Variants in ST3GAL1 observed in about 807,000 individuals in gnomAD.
ST3GAL1 encodes the protein ST3 beta-galactoside alpha-2,3-sialyltransferase 1.
Under a neutral mutation model 34.1 loss-of-function variants are expected in ST3GAL1, and 16 were observed. That is an observed-to-expected ratio of 0.47 (90% CI 0.32 to 0.71). The LOEUF (loss-of-function observed/expected upper bound fraction) is 0.71. ST3GAL1 is among the 30% of genes least tolerant of loss of function. ST3GAL1 has a pLI of 0.04. For synonymous variants in ST3GAL1, 191 were observed against 184.7 expected, an observed-to-expected ratio of 1.03 and a Z score of -0.28; for missense variants, 353 against 447.4, an observed-to-expected ratio of 0.79 and a Z score of 1.90.
chr8:133,496,822 G>C (rs1025948739), intron 3 of ST3GAL1, among the ~76,000 whole-genome samples: 2 of 152,216 alleles, frequency 1.3e-5, no homozygotes, highest in Non-Finnish European at 1.5e-5. Context: ...GGCACCCAAG[G>C]GGGATGGGGC....
intron 2 of ST3GAL1, among the ~76,000 whole-genome samples, chr8:133,542,494 G>A (rs928911734): frequency 2.6e-5 from 4 of 152,198 alleles, no homozygotes; most frequent in African/African-American, 9.7e-5. Context: ...GAAAGGAAGG[G>A]CTGGGCATGG....
At chr8:133,463,693 T>C (rs1815609211) in intron 7 of ST3GAL1, among the ~76,000 whole-genome samples, 1 of 152,178 alleles carries the variant, frequency 6.6e-6, no homozygotes. Flanking sequence ...TGCTGGGTTT[T>C]GGCCCCATTC....
At chr8:133,464,716 G>A (rs962868590) in intron 7 of ST3GAL1, 62 bp downstream of exon 7, 54 of 1,538,734 alleles carry the variant, frequency 3.5e-5, no homozygotes, top group Middle Eastern at 1.9e-4. Context: ...ACGGCAGGGT[G>A]GGGGGACAGG....
chr8:133,503,865 G>A (rs924997636), intron 2 of ST3GAL1, among the ~76,000 whole-genome samples: 1 of 152,210 alleles, frequency 6.6e-6, no homozygotes, highest in African/African-American at 2.4e-5. Flanking sequence ...ATGAGGTGAT[G>A]CATTAGGGCT....
intron 2 of ST3GAL1, among the ~76,000 whole-genome samples, chr8:133,519,476 T>C (rs1268852826): frequency 1.3e-5 from 2 of 152,134 alleles, no homozygotes; most frequent in African/African-American, 4.8e-5. Context: ...CTTATGTATG[T>C]TAAAGGAAGA....
At chr8:133,534,054 GA>G (rs995345928) in intron 2 of ST3GAL1, among the ~76,000 whole-genome samples, 33 of 152,140 alleles carry the variant, frequency 2.2e-4, no homozygotes, top group Non-Finnish European at 4.3e-4. Context: ...ATTCAATGGG[GA>G]AAAAAACGGG....
chr8:133,476,932 G>C (rs1816203465), intron 3 of ST3GAL1, among the ~76,000 whole-genome samples: 1 of 152,236 alleles, frequency 6.6e-6, no homozygotes, highest in Non-Finnish European at 1.5e-5. Context: ...ATTGTTAAAT[G>C]CATGTTATTT....
intron 2 of ST3GAL1, among the ~76,000 whole-genome samples, chr8:133,532,787 A>G (rs1197190004): frequency 1.3e-5 from 2 of 152,140 alleles, no homozygotes; most frequent in Non-Finnish European, 2.9e-5. Context: ...CAGGATCTAT[A>G]GCATCCTTAG....
At chr8:133,566,170 G>C (rs1819394005) in intron 1 of ST3GAL1, among the ~76,000 whole-genome samples, 1 of 152,164 alleles carries the variant, frequency 6.6e-6, no homozygotes, top group African/African-American at 2.4e-5. Context: ...TGGCTAACTA[G>C]TAATGCTGTG....
chr8:133,459,882 T>C lies in ST3GAL1; in HGVS notation c.905A>G (p.Glu302Gly). 6.2e-7 allele frequency: 1 copy of C among 1,614,130 alleles called. No individual in the cohort carries two copies. The highest frequency in any genetic ancestry group is 8.5e-7 in the Non-Finnish European group (1 of 1,180,010). Residue 302 changes from glutamate (E) to glycine (G), a missense_variant, in exon 10 of 10, where the codon GAG becomes GGG. Coordinates refer to ENST00000522652, the MANE Select transcript of ST3GAL1 (RefSeq NM_173344.3). This position sits in a 1 kb window ranked among gnomAD's most constrained non-coding sequence, Gnocchi z 4.7. ...DSKGNWHHYW[E>G]NNPSAGAFRK... Reference sequence around the variant, plus strand: ...AAAAGCCCCCGCGGATGGGTTGTTCTCCCAGTAGTGGTGCCAGTTCCCTTT... The same window carrying C: ...AAAAGCCCCCGCGGATGGGTTGTTCCCCCAGTAGTGGTGCCAGTTCCCTTT...
At chr8:133,498,316 G>C (rs554981319) in intron 3 of ST3GAL1, among the ~76,000 whole-genome samples, 1 of 152,354 alleles carries the variant, frequency 6.6e-6, no homozygotes, top group South Asian at 2.1e-4. Context: ...CAGCACTCAG[G>C]GAGCAAAGAT....
chr8:133,461,946 G>A lies in ST3GAL1; in HGVS notation c.778C>T (p.Leu260=). The part of the protein sequence containing the change: ...AFIKYVFDNW[L]QGHGRYPSTG... ...GATGGGTATCGCCCGTGCCCTTGCA[G>A]CCAGTTGTCAAAGACATACTTGATG... is the stretch of plus-strand genomic sequence containing the variant. The change falls in exon 9 of 10, where the codon CTG becomes TTG. Residue 260 remains leucine (L), a synonymous_variant. Transcript: ENST00000522652. The surrounding 1 kb of genome is among the most constrained non-coding windows in gnomAD (Gnocchi z 4.7). 6.2e-7 allele frequency: 1 copy of A among 1,614,204 alleles called. No individual in the cohort carries two copies. Among genetic ancestry groups the A allele is most frequent in the East Asian group, 2.2e-5 (1 of 44,878 alleles).
intron 2 of ST3GAL1, among the ~76,000 whole-genome samples, chr8:133,528,403 T>A (rs1818040022): frequency 6.6e-6 from 1 of 152,238 alleles, no homozygotes; most frequent in South Asian, 2.1e-4. Context: ...TCAGGCACTG[T>A]GCTAGGCATT....
intron 5 of ST3GAL1, among the ~76,000 whole-genome samples, chr8:133,470,691 A>G (rs78124326): frequency 0.083 from 12,683 of 152,108 alleles, 577 homozygotes; most frequent in Admixed American, 0.16. Context: ...GAGGGATGAG[A>G]AGCAAGGCAG....
Position 133,465,953 on chromosome 8 carries a change from C to T in ST3GAL1, c.444G>A (p.Ser148=), listed in dbSNP as rs769416956. 7 of 1,614,082 alleles carry T rather than the reference C, an allele frequency of 4.3e-6. No individual in the cohort carries two copies. In the African/African-American group the frequency reaches 5.3e-5, roughly 12 times the overall value. ...CATAAGAAGACTCCCTCAGGTTGCC[C>T]GAGTTGCCCACAACGGCGCAGCGCC... ...GCRRCAVVGN[S]GNLRESSYGP... The change falls in exon 6 of 10, where the codon TCG becomes TCA. Residue 148 remains serine (S), a synonymous_variant. Coordinates refer to ENST00000522652, the MANE Select transcript of ST3GAL1 (RefSeq NM_173344.3).
intron 3 of ST3GAL1, among the ~76,000 whole-genome samples, chr8:133,489,865 C>T (rs1347104616): frequency 2.0e-5 from 3 of 152,172 alleles, no homozygotes; most frequent in Non-Finnish European, 4.4e-5. Context: ...TTCTCTGACT[C>T]CTGCCGGGCT....
At chr8:133,524,786 T>G (rs1236423707) in intron 2 of ST3GAL1, among the ~76,000 whole-genome samples, 2 of 152,248 alleles carry the variant, frequency 1.3e-5, no homozygotes, top group Admixed American at 6.5e-5. Flanking sequence ...TGGACCCATG[T>G]CTGGATGAAG....
chr8:133,481,535 G>A (rs1009025098), intron 3 of ST3GAL1, among the ~76,000 whole-genome samples: 6 of 152,026 alleles, frequency 3.9e-5, no homozygotes, highest in African/African-American at 7.2e-5. Flanking sequence ...TTACTCTGTC[G>A]CCCAGGCTGG....
chr8:133,510,211 C>T (rs112103004), intron 2 of ST3GAL1, among the ~76,000 whole-genome samples: 46 of 152,308 alleles, frequency 3.0e-4, no homozygotes, highest in Non-Finnish European at 5.4e-4. Context: ...ATTTCAACAA[C>T]TGAAGATGAA....
Sources: allele counts gnomAD v4.1 joint callset (sites outside exome capture counted in the v4.1 genomes callset), GRCh38; gene constraint gnomAD v4.1.1; non-coding constraint Gnocchi (gnomAD v3.1); transcripts MANE v1.5; gene names NCBI Gene and HGNC (gene_info 2026-07-23, HGNC 2026-07-21).